SPOCK3: variants seen among roughly 807,000 people sequenced by gnomAD.
The protein encoded by SPOCK3 is SPARC (osteonectin), cwcv and kazal like domains proteoglycan 3, also known as testican-3.
In SPOCK3, 30 loss-of-function variants were observed where a neutral mutation model predicts 56.6. The ratio of observed to expected loss-of-function variants is 0.53; its 90% CI spans 0.40 to 0.72. SPOCK3 has a LOEUF of 0.72. SPOCK3 is among the 30% of genes least tolerant of loss of function. SPOCK3 has a pLI of 0.00. For missense variants in SPOCK3, 527 were observed against 530.0 expected, an observed-to-expected ratio of 0.99 and a Z score of 0.06; for synonymous variants, 196 against 183.3, an observed-to-expected ratio of 1.07 and a Z score of -0.56.
chr4:166,840,424 T>C (rs1189704015), intron 6 of SPOCK3, among the ~76,000 whole-genome samples: 1 of 152,202 alleles, frequency 6.6e-6, no homozygotes, highest in Non-Finnish European at 1.5e-5. Flanking sequence ...GTTTCTCTCT[T>C]CCTAGCTTTA....
In SPOCK3 at chr4:167,033,403, T is replaced by G. The variant is rs897495360; in HGVS notation, c.235+29089A>C. Among the ~76,000 whole-genome samples the G allele has an allele frequency of 3.3e-4, 50 of 149,936 alleles. No homozygotes were observed. In the East Asian group the frequency reaches 8.6e-3, roughly 26 times the overall value. On this transcript the variant is annotated intron_variant, in intron 3 of 10. Transcript: ENST00000357545. ...TATAAGCAATTATTCATTATTATTATTATTATTATTATTATTATTAAGGGT... is the reference window on the plus strand; with the variant it reads ...TATAAGCAATTATTCATTATTATTAGTATTATTATTATTATTATTAAGGGT...
chr4:167,203,556 T>TA (rs113951203), intron 2 of SPOCK3, among the ~76,000 whole-genome samples: 32,294 of 142,620 alleles, frequency 0.23, 3,545 homozygotes, highest in Admixed American at 0.3. Context: ...TCTATCTGAT[T>TA]AAAAAAAAAA....
chr4:166,830,374 A>T (rs146504808), intron 6 of SPOCK3, among the ~76,000 whole-genome samples: 1 of 152,188 alleles, frequency 6.6e-6, no homozygotes, highest in Admixed American at 6.5e-5. Flanking sequence ...AACATATTTC[A>T]TAACTTATTT....
At chr4:166,767,720 T>C (rs9685248) in intron 7 of SPOCK3, among the ~76,000 whole-genome samples, 81,475 of 151,946 alleles carry the variant, frequency 0.54, 23,033 homozygotes, top group South Asian at 0.67. Context: ...TGGTGCAGAG[T>C]TGAGTTCAAT....
At chr4:166,742,187 T>C in intron 8 of SPOCK3, 128 bp from the exon 9 acceptor site, 1 of 642,792 alleles carries the variant, frequency 1.6e-6, no homozygotes, top group Non-Finnish European at 2.7e-6. Flanking sequence ...TTAATTGGTT[T>C]ACTTATAAAG....
At chr4:166,835,067 TTC>T (rs1746475890) in intron 6 of SPOCK3, among the ~76,000 whole-genome samples, 2 of 152,064 alleles carry the variant, frequency 1.3e-5, no homozygotes, top group Admixed American at 6.5e-5. Context: ...AAAAATATTT[TTC>T]TGTTATTCTA....
intron 4 of SPOCK3, among the ~76,000 whole-genome samples, chr4:166,940,106 G>T (rs988631157): frequency 6.6e-6 from 1 of 152,160 alleles, no homozygotes. Context: ...TATAAGTCAC[G>T]CATGGTGAGC....
intron 2 of SPOCK3, among the ~76,000 whole-genome samples, chr4:167,215,398 G>A (rs1735259315): frequency 1.3e-5 from 2 of 152,020 alleles, no homozygotes; most frequent in African/African-American, 4.8e-5. Flanking sequence ...AAGTGCTTCA[G>A]GGACTCATGA....
chr4:167,109,985 T>A (rs528609826), intron 2 of SPOCK3, among the ~76,000 whole-genome samples: 2 of 152,144 alleles, frequency 1.3e-5, no homozygotes, highest in Admixed American at 6.6e-5. Context: ...TACATTTCTT[T>A]TAGACTTGTA....
At chr4:166,772,600 AATATG>A (rs1739076216) in intron 7 of SPOCK3, among the ~76,000 whole-genome samples, 1 of 152,186 alleles carries the variant, frequency 6.6e-6, no homozygotes, top group African/African-American at 2.4e-5. Flanking sequence ...ATAAAATTGA[AATATG>A]ATATTATTGG....
chr4:167,059,633 C>T (rs1035046555), intron 3 of SPOCK3, among the ~76,000 whole-genome samples: 3 of 151,912 alleles, frequency 2.0e-5, no homozygotes, highest in Non-Finnish European at 4.4e-5. Context: ...ACCATTTGAC[C>T]CAGCCATCCC....
intron 4 of SPOCK3, among the ~76,000 whole-genome samples, chr4:166,970,610 G>A (rs1420906742): frequency 6.6e-6 from 1 of 152,064 alleles, no homozygotes; most frequent in African/African-American, 2.4e-5. Flanking sequence ...TGTAATCCCA[G>A]CTACTTGGGA....
intron 7 of SPOCK3, among the ~76,000 whole-genome samples, chr4:166,786,448 A>G (rs1226173859): frequency 6.6e-6 from 1 of 152,142 alleles, no homozygotes; most frequent in African/African-American, 2.4e-5. Context: ...ACTAGCTGCC[A>G]TGCAGTTAGG....
intron 5 of SPOCK3, among the ~76,000 whole-genome samples, chr4:166,899,984 C>A (rs1004901998): frequency 2.0e-5 from 3 of 152,180 alleles, no homozygotes; most frequent in Admixed American, 6.5e-5. Flanking sequence ...AGGCATTCTC[C>A]TTGGTCCTTT....
chr4:166,766,935 G>T (rs1374301691), intron 7 of SPOCK3, among the ~76,000 whole-genome samples: 1 of 151,916 alleles, frequency 6.6e-6, no homozygotes, highest in Non-Finnish European at 1.5e-5. Flanking sequence ...ATTTGTCGAG[G>T]AATTTATCCA....
chr4:166,955,580 A>T (rs142635328), intron 4 of SPOCK3, among the ~76,000 whole-genome samples: 4,470 of 144,950 alleles, frequency 0.031, 118 homozygotes, highest in Middle Eastern at 0.072. Flanking sequence ...AATATAATTA[A>T]ATTATATTAA....
At chr4:167,194,339 T>TA (rs1732735855) in intron 2 of SPOCK3, among the ~76,000 whole-genome samples, 2 of 115,648 alleles carry the variant, frequency 1.7e-5, no homozygotes, top group African/African-American at 7.6e-5. Flanking sequence ...TTTAGTTGCC[T>TA]ACATGCATTC....
At chr4:167,090,849 C>T (rs1323252627) in intron 2 of SPOCK3, among the ~76,000 whole-genome samples, 3 of 150,982 alleles carry the variant, frequency 2.0e-5, no homozygotes, top group Non-Finnish European at 4.4e-5. Flanking sequence ...TTTTTTTTTC[C>T]AAGTATAGTT....
At chr4:167,154,544 C>T (rs1764664018) in intron 2 of SPOCK3, among the ~76,000 whole-genome samples, 1 of 152,088 alleles carries the variant, frequency 6.6e-6, no homozygotes, top group African/African-American at 2.4e-5. Flanking sequence ...TAGATTTAAA[C>T]AACTGAGCTA....
Sources: allele counts gnomAD v4.1 joint callset (sites outside exome capture counted in the v4.1 genomes callset), GRCh38; gene constraint gnomAD v4.1.1; transcripts MANE v1.5; gene names NCBI Gene and HGNC (gene_info 2026-07-23, HGNC 2026-07-21).